Variants in BTRC observed in about 807,000 individuals in gnomAD.
BTRC encodes beta-transducin repeat containing E3 ubiquitin protein ligase.
BTRC carries 42 observed loss-of-function variants against 85.5 expected under a neutral mutation model. The observed-to-expected ratio is 0.49, with a 90% confidence interval of 0.38 to 0.64. The LOEUF is 0.64. Ranked by LOEUF, BTRC falls within the 30% of genes least tolerant of loss-of-function variation. The probability of loss-of-function intolerance (pLI) is 0.00; values close to 1 mark genes in which losing one functional copy is unlikely to be tolerated. For missense variants in BTRC, 594 were observed against 743.5 expected, an observed-to-expected ratio of 0.80 and a Z score of 2.34; for synonymous variants, 255 against 263.3, an observed-to-expected ratio of 0.97 and a Z score of 0.30.
chr10:101,390,493 A>ACACC (rs1943209566), intron 1 of BTRC, among the ~76,000 whole-genome samples: 1 of 121,240 alleles, frequency 8.2e-6, no homozygotes, highest in Non-Finnish European at 2.0e-5. Context: ...GCCCGCCACC[A>ACACC]CGCCTAATTT....
intron 4 of BTRC, among the ~76,000 whole-genome samples, chr10:101,518,307 C>T (rs2134356036): frequency 6.6e-6 from 1 of 152,236 alleles, no homozygotes; most frequent in Admixed American, 6.5e-5. Context: ...CAGATTGTGT[C>T]GCTATTATGC....
intron 2 of BTRC, among the ~76,000 whole-genome samples, chr10:101,432,284 C>T (rs1944423365): frequency 6.6e-6 from 1 of 151,942 alleles, no homozygotes; most frequent in African/African-American, 2.4e-5. Flanking sequence ...CACGACCACA[C>T]TTGGCTCATT....
intron 2 of BTRC, among the ~76,000 whole-genome samples, chr10:101,445,848 CT>C (rs1405142501): frequency 6.6e-6 from 1 of 152,160 alleles, no homozygotes; most frequent in Non-Finnish European, 1.5e-5. Flanking sequence ...GAATTATCTG[CT>C]TTTATTTGCT....
At chr10:101,513,903 A>G (rs1331628060) in intron 4 of BTRC, among the ~76,000 whole-genome samples, 1 of 152,230 alleles carries the variant, frequency 6.6e-6, no homozygotes, top group Non-Finnish European at 1.5e-5. Flanking sequence ...ACAATGTGTG[A>G]GAGACCCAGT....
At chr10:101,491,600 G>T (rs1946134929) in intron 4 of BTRC, among the ~76,000 whole-genome samples, 1 of 152,030 alleles carries the variant, frequency 6.6e-6, no homozygotes, top group South Asian at 2.1e-4. Flanking sequence ...AGGAGGCTGA[G>T]GCAGGAGAAT....
intron 3 of BTRC, 88 bp from the exon 4 acceptor site, chr10:101,479,280 G>C: frequency 1.0e-6 from 1 of 954,994 alleles, no homozygotes; most frequent in South Asian, 1.5e-5. Context: ...TTTGTGTTTT[G>C]ACTTGAGAAA....
chr10:101,434,043 A>C (rs907992398), intron 2 of BTRC, among the ~76,000 whole-genome samples: 2 of 152,220 alleles, frequency 1.3e-5, no homozygotes, highest in Admixed American at 6.5e-5. Context: ...TATGAAAAAT[A>C]TATTTTTCAA....
intron 1 of BTRC, among the ~76,000 whole-genome samples, chr10:101,359,613 T>TTTTTC (rs1431304327): frequency 3.3e-5 from 5 of 151,428 alleles, no homozygotes; most frequent in African/African-American, 9.7e-5. Context: ...TATTTTTTTT[T>TTTTTC]TTTTGAGATG....
chr10:101,525,270 C>T (rs2062173581), intron 5 of BTRC, among the ~76,000 whole-genome samples: 1 of 152,180 alleles, frequency 6.6e-6, no homozygotes, highest in South Asian at 2.1e-4. Flanking sequence ...TTTTCCTCTG[C>T]ACCTCCTACA....
intron 13 of BTRC, among the ~76,000 whole-genome samples, chr10:101,547,328 C>CTTTTTTTTTTTTTTTTTT (rs71016332): frequency 1.3e-5 from 1 of 79,636 alleles, no homozygotes; most frequent in Non-Finnish European, 2.4e-5. Context: ...TATGGTTTTT[C>CTTTTTTTTTTTTTTTTTT]TTTTTTTTTT....
At chr10:101,476,427 A>G (rs1945688591) in intron 3 of BTRC, among the ~76,000 whole-genome samples, 1 of 152,202 alleles carries the variant, frequency 6.6e-6, no homozygotes, top group Non-Finnish European at 1.5e-5. Flanking sequence ...ATATTAACAT[A>G]TGGAGAAGCT....
rs1589638369 is a variant in BTRC at position 101,553,401 on chromosome 10, CT to C, written c.*279del. 1 of 152,676 alleles carries C rather than the reference CT, an allele frequency of 6.5e-6. No homozygotes were observed. The highest frequency in any genetic ancestry group is 1.9e-4 in the East Asian group (1 of 5,208). 9.5% of individuals were successfully genotyped at this position (152,676 alleles called of 1,614,324 possible). A position where few individuals can be genotyped will look rare whatever the true frequency, so the allele number is the denominator to read the frequency against. On this transcript the variant is annotated 3_prime_UTR_variant, in exon 15 of 15. Coordinates refer to ENST00000370187, the MANE Select transcript of BTRC (RefSeq NM_033637.4). Reference sequence around the variant, plus strand: ...GATTGGAACTTTTAAACCTCCCCTCCTCTCCTCCTTTCACCTCTGCACCTAG... The same window carrying C: ...GATTGGAACTTTTAAACCTCCCCTCCCTCCTCCTTTCACCTCTGCACCTAG...
At chr10:101,400,704 C>T (rs1281961885) in intron 1 of BTRC, among the ~76,000 whole-genome samples, 1 of 152,176 alleles carries the variant, frequency 6.6e-6, no homozygotes, top group Non-Finnish European at 1.5e-5. Context: ...AGATTATTAA[C>T]ATGATACCAG....
chr10:101,502,593 CA>C (rs1564810741), intron 4 of BTRC, among the ~76,000 whole-genome samples: 1 of 151,950 alleles, frequency 6.6e-6, no homozygotes, highest in African/African-American at 2.4e-5. Context: ...ATTAGATTGC[CA>C]AATTTGAGTG....
At position 101,472,562 on chromosome 10, in the gene BTRC, C is replaced by T. The variant is rs545577669; in HGVS notation, c.235-6806C>T. ...GGCGTGGTGGCTCATGCCTATAATC[C>T]CAGCACTTTGGGAGGCCAAGGTTGG... On this transcript the variant is annotated intron_variant, in intron 3 of 14. Coordinates refer to ENST00000370187, the MANE Select transcript of BTRC (RefSeq NM_033637.4). Among the ~76,000 whole-genome samples, 5 of 152,094 alleles carry T rather than the reference C, an allele frequency of 3.3e-5. No homozygotes were observed. In the East Asian group the frequency reaches 7.8e-4, roughly 24 times the overall value.
At position 101,377,927 on chromosome 10, in the gene BTRC, A is replaced by C. The variant is rs564746045; in HGVS notation, c.48+23699A>C. Among the ~76,000 whole-genome samples the C allele has an allele frequency of 3.5e-4, 53 of 151,908 alleles. 1 individual carries two copies. In the South Asian group the frequency reaches 0.011, roughly 32 times the overall value. On this transcript the variant is annotated intron_variant, in intron 1 of 14. Coordinates refer to ENST00000370187, the MANE Select transcript of BTRC (RefSeq NM_033637.4). ...GTGTAGAACACTTGTGGCCTTTAAT[A>C]AACTGAGGAGATAGGATGACCAAAA... is the stretch of plus-strand genomic sequence containing the variant.
At chr10:101,440,154 A>G (rs1478226125) in intron 2 of BTRC, among the ~76,000 whole-genome samples, 2 of 152,214 alleles carry the variant, frequency 1.3e-5, no homozygotes, top group Non-Finnish European at 2.9e-5. Context: ...TCCTTATAAA[A>G]CCACCATATA....
intron 4 of BTRC, among the ~76,000 whole-genome samples, chr10:101,516,970 G>A (rs1401821490): frequency 6.6e-6 from 1 of 152,092 alleles, no homozygotes; most frequent in Non-Finnish European, 1.5e-5. Context: ...AGTTTGGGAG[G>A]TTTTCATTAT....
At chr10:101,381,099 A>C (rs1192962728) in intron 1 of BTRC, among the ~76,000 whole-genome samples, 1 of 151,280 alleles carries the variant, frequency 6.6e-6, no homozygotes, top group Non-Finnish European at 1.5e-5. Context: ...ATTTTTACTT[A>C]TTCTCTGACC....
Sources: allele counts gnomAD v4.1 joint callset (sites outside exome capture counted in the v4.1 genomes callset), GRCh38; gene constraint gnomAD v4.1.1; transcripts MANE v1.5; gene names NCBI Gene and HGNC (gene_info 2026-07-23, HGNC 2026-07-21).